ACOXL: variants seen among roughly 807,000 people sequenced by gnomAD.
ACOXL encodes the protein acyl-coenzyme A oxidase-like protein.
A neutral mutation model predicts 71.9 loss-of-function variants in ACOXL; 70 were observed. The ratio of observed to expected loss-of-function variants is 0.97; its 90% confidence interval spans 0.80 to 1.19. The LOEUF (loss-of-function observed/expected upper bound fraction) is 1.19, where lower values mean the gene tolerates loss of function less well. Ranked by LOEUF, ACOXL falls within the 50% of genes most tolerant of loss-of-function variation. The pLI is 0.00. For missense variants in ACOXL, 703 were observed against 736.3 expected (o/e 0.95, Z 0.52); for synonymous variants, 253 against 281.6 (o/e 0.90, Z 1.02).
intron 9 of ACOXL, among the ~76,000 whole-genome samples, chr2:110,807,522 A>G (rs146706439): frequency 7.5e-4 from 114 of 152,332 alleles, no homozygotes; most frequent in African/African-American, 2.5e-3. Flanking sequence ...GCAGAGATGC[A>G]TAGTGTCCTT....
At chr2:110,797,652 A>G (rs145930991) in intron 5 of ACOXL, among the ~76,000 whole-genome samples, 3 of 152,336 alleles carry the variant, frequency 2.0e-5, no homozygotes, top group Non-Finnish European at 2.9e-5. Flanking sequence ...CCTGGGAAAC[A>G]GCGAGGAACC....
At chr2:111,026,172 G>T (rs892877615) in intron 14 of ACOXL, among the ~76,000 whole-genome samples, 2 of 152,068 alleles carry the variant, frequency 1.3e-5, no homozygotes, top group African/African-American at 4.8e-5. Context: ...TAGCTTTATA[G>T]GAAGCCTTAA....
At chr2:110,984,884 C>T (rs1011873668) in intron 12 of ACOXL, among the ~76,000 whole-genome samples, 2 of 152,216 alleles carry the variant, frequency 1.3e-5, no homozygotes, top group Non-Finnish European at 2.9e-5. Flanking sequence ...AGGATGGACA[C>T]ACTCCGACCC....
intron 14 of ACOXL, among the ~76,000 whole-genome samples, chr2:110,998,168 CAAAGT>C (rs2063479701): frequency 6.6e-6 from 1 of 151,930 alleles, no homozygotes; most frequent in African/African-American, 2.4e-5. Context: ...AGATGAAAGA[CAAAGT>C]AAAAACATAC....
At chr2:111,009,996 C>G (rs1468712125) in intron 14 of ACOXL, among the ~76,000 whole-genome samples, 1 of 152,116 alleles carries the variant, frequency 6.6e-6, no homozygotes, top group Non-Finnish European at 1.5e-5. Context: ...GAATAAGACT[C>G]AATACCCTTT....
intron 14 of ACOXL, among the ~76,000 whole-genome samples, chr2:111,005,840 A>C (rs68080118): frequency 0.087 from 13,315 of 152,216 alleles, 718 homozygotes; most frequent in East Asian, 0.22. Flanking sequence ...AGAGGAACTC[A>C]GAAGTGCCAT....
intron 1 of ACOXL, among the ~76,000 whole-genome samples, chr2:110,764,496 G>A (rs1253107489): frequency 6.6e-6 from 1 of 152,208 alleles, no homozygotes; most frequent in Non-Finnish European, 1.5e-5. Context: ...ATCAGTGGCT[G>A]TCAGGGGTTG....
chr2:111,019,772 G>A (rs754884475), intron 14 of ACOXL, among the ~76,000 whole-genome samples: 9 of 152,226 alleles, frequency 5.9e-5, no homozygotes, highest in Admixed American at 1.3e-4. Context: ...GGCAGGCCCC[G>A]CAACTGCCGT....
At chr2:110,814,187 A>G (rs1480142949) in intron 9 of ACOXL, among the ~76,000 whole-genome samples, 1 of 152,208 alleles carries the variant, frequency 6.6e-6, no homozygotes, top group Non-Finnish European at 1.5e-5. Flanking sequence ...TAGATGTTAA[A>G]TAGTTAGTGG....
chr2:110,990,093 T>C (rs1243131719), intron 13 of ACOXL, among the ~76,000 whole-genome samples: 1 of 152,162 alleles, frequency 6.6e-6, no homozygotes, highest in Non-Finnish European at 1.5e-5. Context: ...ATTTACCATT[T>C]GTTATTTGTT....
At chr2:111,056,393 C>G (rs1413367505) in intron 16 of ACOXL, among the ~76,000 whole-genome samples, 1 of 152,114 alleles carries the variant, frequency 6.6e-6, no homozygotes, top group Non-Finnish European at 1.5e-5. Flanking sequence ...TCAGCTCAAA[C>G]CAACCCCCCA....
At chr2:110,849,648 C>T (rs923650997) in intron 10 of ACOXL, among the ~76,000 whole-genome samples, 7 of 152,140 alleles carry the variant, frequency 4.6e-5, no homozygotes, top group African/African-American at 1.7e-4. Context: ...ATCCCAGCTA[C>T]TCAAGAGGCT....
intron 15 of ACOXL, among the ~76,000 whole-genome samples, chr2:111,046,672 A>T (rs1380491278): frequency 1.3e-5 from 2 of 151,966 alleles, no homozygotes; most frequent in African/African-American, 2.4e-5. Flanking sequence ...TGATTCATTT[A>T]CCTCCCACTG....
chr2:110,838,520 A>G (rs1386030565), intron 9 of ACOXL, among the ~76,000 whole-genome samples: 1 of 152,236 alleles, frequency 6.6e-6, no homozygotes, highest in Non-Finnish European at 1.5e-5. Flanking sequence ...CAGATCACAC[A>G]GTTGCCTCTA....
intron 10 of ACOXL, among the ~76,000 whole-genome samples, chr2:110,871,842 G>A (rs1695323095): frequency 6.6e-6 from 1 of 152,128 alleles, no homozygotes; most frequent in African/African-American, 2.4e-5. Flanking sequence ...GCTTCCTTTG[G>A]TTGCCTGCAT....
At chr2:110,738,349 T>G (rs1265792220) in intron 1 of ACOXL, among the ~76,000 whole-genome samples, 1 of 152,222 alleles carries the variant, frequency 6.6e-6, no homozygotes, top group Non-Finnish European at 1.5e-5. Context: ...TAGCCATAGA[T>G]AACCAAAACA....
At chr2:110,993,007 T>C (rs1442208787) in intron 13 of ACOXL, among the ~76,000 whole-genome samples, 2 of 152,248 alleles carry the variant, frequency 1.3e-5, no homozygotes. Context: ...CACTATCATA[T>C]CTATGGATCT....
Position 110,925,144 on chromosome 2 carries a change from C to G in ACOXL, c.906-8345C>G, listed in dbSNP as rs140467550. Among the ~76,000 whole-genome samples the G allele has an allele frequency of 7.5e-3, 1,140 of 152,276 alleles. 14 individuals carry two copies. The highest frequency in any genetic ancestry group is 0.025 in the African/African-American group (1,057 of 41,548). On this transcript the variant is annotated intron_variant, in intron 11 of 17. Transcript: ENST00000439055. ...TACTGTAAACAGATGTGCTATCAAC[C>G]AGGTGCTGTTGTTTCATTTCTAGAG...
At chr2:110,848,664 C>T (rs1201460883) in intron 10 of ACOXL, among the ~76,000 whole-genome samples, 3 of 152,176 alleles carry the variant, frequency 2.0e-5, no homozygotes, top group East Asian at 3.8e-4. Context: ...CCTTTAGTCC[C>T]CTGTCTCCTT....
Sources: gnomAD v4.1 joint callset for allele counts (sites outside exome capture counted in the v4.1 genomes callset) on GRCh38, gnomAD v4.1.1 for gene constraint, MANE v1.5 for transcripts, NCBI Gene and HGNC (gene_info 2026-07-23, HGNC 2026-07-21) for gene names.